The following UNC5C variants were observed in gnomAD, a reference collection of about 807,000 sequenced individuals.
UNC5C encodes the protein unc-5 netrin receptor C.
A neutral mutation model predicts 99.8 loss-of-function variants in UNC5C; 47 were observed. The ratio of observed to expected loss-of-function variants is 0.47; its 90% confidence interval spans 0.37 to 0.60. UNC5C has a LOEUF of 0.60. UNC5C is among the 20% of genes least tolerant of loss of function. The probability of loss-of-function intolerance (pLI) is 0.00; values close to 1 mark genes in which losing one functional copy is unlikely to be tolerated. For missense variants in UNC5C, 1,062 were observed against 1,165.9 expected (o/e 0.91, Z 1.30); for synonymous variants, 487 against 452.2 (o/e 1.08, Z -0.98).
chr4:95,308,879 A>T (rs935877299), intron 2 of UNC5C, among the ~76,000 whole-genome samples: 3 of 151,996 alleles, frequency 2.0e-5, no homozygotes, highest in Admixed American at 6.6e-5. Context: ...TACAAATTTA[A>T]TGAAATCCAT....
intron 1 of UNC5C, among the ~76,000 whole-genome samples, chr4:95,436,617 G>C (rs6853082): frequency 0.89 from 135,562 of 151,900 alleles, 60,716 homozygotes; most frequent in Non-Finnish European, 0.93. Flanking sequence ...TCTTAATTAA[G>C]TCTAGGAGTA....
chr4:95,279,864 G>A (rs934542162), intron 3 of UNC5C, among the ~76,000 whole-genome samples: 15 of 152,092 alleles, frequency 9.9e-5, no homozygotes, highest in African/African-American at 2.9e-4. Context: ...CTGCTGGGGC[G>A]GGGCATGGGG....
At chr4:95,352,731 C>T (rs11937484) in intron 1 of UNC5C, among the ~76,000 whole-genome samples, 33,128 of 152,020 alleles carry the variant, frequency 0.22, 4,224 homozygotes, top group African/African-American at 0.34. Flanking sequence ...CAGTGCATAC[C>T]AGCTCTTCAT....
intron 15 of UNC5C, 82 bp from the exon 16 acceptor site, chr4:95,169,481 A>G: frequency 1.3e-6 from 2 of 1,491,156 alleles, no homozygotes; most frequent in South Asian, 2.5e-5. Flanking sequence ...CTGTCTCTCT[A>G]CTTGTCTTTA....
intron 4 of UNC5C, among the ~76,000 whole-genome samples, chr4:95,272,836 G>C (rs998816168): frequency 4.6e-5 from 7 of 152,322 alleles, no homozygotes; most frequent in Middle Eastern, 3.4e-3. Context: ...CCTGAAAAGA[G>C]TGTAAAGCAC....
intron 1 of UNC5C, among the ~76,000 whole-genome samples, chr4:95,539,622 G>A (rs971117387): frequency 2.0e-5 from 3 of 151,928 alleles, no homozygotes; most frequent in Admixed American, 2.0e-4. Context: ...ATGAACTCTT[G>A]CTCCTAAAAC....
At chr4:95,283,630 G>T (rs1741136347) in intron 3 of UNC5C, among the ~76,000 whole-genome samples, 1 of 152,154 alleles carries the variant, frequency 6.6e-6, no homozygotes. Flanking sequence ...CAGGGGTGAC[G>T]AATGAATAAG....
At chr4:95,287,737 C>T (rs2149398226) in intron 3 of UNC5C, among the ~76,000 whole-genome samples, 1 of 152,310 alleles carries the variant, frequency 6.6e-6, no homozygotes, top group Admixed American at 6.5e-5. Context: ...GTTCACTGCA[C>T]AGAAACTCCT....
intron 2 of UNC5C, among the ~76,000 whole-genome samples, chr4:95,309,035 C>T (rs1742170364): frequency 6.6e-6 from 1 of 152,084 alleles, no homozygotes; most frequent in Admixed American, 6.6e-5. Context: ...TCCACATCTA[C>T]TATAAAGTTA....
chr4:95,477,145 T>C (rs1042773618), intron 1 of UNC5C, among the ~76,000 whole-genome samples: 2 of 152,042 alleles, frequency 1.3e-5, no homozygotes, highest in African/African-American at 4.8e-5. Flanking sequence ...CTTATATATA[T>C]TGGGAAGGAG....
At chr4:95,304,777 C>A (rs546140691) in intron 2 of UNC5C, among the ~76,000 whole-genome samples, 1 of 152,206 alleles carries the variant, frequency 6.6e-6, no homozygotes, top group Non-Finnish European at 1.5e-5. Context: ...CGATGCAGAG[C>A]AGCAACTAAT....
At chr4:95,175,301 T>G (rs1358415612) in intron 14 of UNC5C, among the ~76,000 whole-genome samples, 3 of 151,984 alleles carry the variant, frequency 2.0e-5, no homozygotes, top group African/African-American at 7.3e-5. Context: ...GTTAGCTGGT[T>G]ATTTTGCTCG....
intron 1 of UNC5C, among the ~76,000 whole-genome samples, chr4:95,363,405 A>C (rs1476072635): frequency 2.6e-5 from 4 of 152,194 alleles, no homozygotes; most frequent in African/African-American, 9.6e-5. Context: ...GTTTTTGGCA[A>C]AACAAGTGGA....
intron 1 of UNC5C, among the ~76,000 whole-genome samples, chr4:95,532,951 G>T (rs1030852494): frequency 4.6e-5 from 7 of 151,638 alleles, no homozygotes; most frequent in African/African-American, 1.7e-4. Context: ...TCTACTGATG[G>T]TGTCTCTTAG....
chr4:95,502,345 T>G lies in UNC5C; in HGVS notation c.124+46389A>C, dbSNP rs114267057. 6.6e-5 allele frequency among the ~76,000 whole-genome samples: 10 copies of G among 152,234 alleles called. No individual in the cohort carries two copies. In the South Asian group the frequency reaches 2.1e-3, roughly 32 times the overall value. ...CTGCAGTAGTGCAATCATAGCTCTC[T>G]GCCGCCTTGAACTCCTGGGTTCAAT... On this transcript the variant is annotated intron_variant, in intron 1 of 15. Transcript: ENST00000453304.
At chr4:95,356,224 A>T (rs111486409) in intron 1 of UNC5C, among the ~76,000 whole-genome samples, 27 of 127,564 alleles carry the variant, frequency 2.1e-4, no homozygotes, top group African/African-American at 8.7e-4. Context: ...AAAACAAAAA[A>T]AAAACAGATT....
chr4:95,284,645 T>C (rs187260992), intron 3 of UNC5C, among the ~76,000 whole-genome samples: 1 of 152,276 alleles, frequency 6.6e-6, no homozygotes, highest in East Asian at 1.9e-4. Context: ...ATTCTTTGTA[T>C]AAATCCTGGA....
At chr4:95,434,675 C>T (rs1471756150) in intron 1 of UNC5C, among the ~76,000 whole-genome samples, 1 of 152,096 alleles carries the variant, frequency 6.6e-6, no homozygotes, top group Admixed American at 6.6e-5. Context: ...CAGAGTGACT[C>T]TCGCTTGGTT....
intron 14 of UNC5C, among the ~76,000 whole-genome samples, chr4:95,179,762 A>AAAAG (rs1553949906): frequency 2.0e-5 from 3 of 151,476 alleles, no homozygotes; most frequent in African/African-American, 4.8e-5. Context: ...AAAAAAAAAA[A>AAAAG]AAAGAAAAAG....
Sources: allele counts gnomAD v4.1 joint callset (sites outside exome capture counted in the v4.1 genomes callset), GRCh38; gene constraint gnomAD v4.1.1; transcripts MANE v1.5; gene names NCBI Gene and HGNC (gene_info 2026-07-23, HGNC 2026-07-21).